ADAMTS12: variants seen among roughly 807,000 people sequenced by gnomAD.
ADAMTS12 encodes the protein A disintegrin and metalloproteinase with thrombospondin motifs 12.
Under a neutral mutation model 167.8 loss-of-function variants are expected in ADAMTS12, and 118 were observed. The ratio of observed to expected loss-of-function variants is 0.70; its 90% confidence interval spans 0.61 to 0.82. The LOEUF (loss-of-function observed/expected upper bound fraction) is 0.82. ADAMTS12 is among the 40% of genes least tolerant of loss of function. The pLI is 0.00. For synonymous variants in ADAMTS12, 704 were observed against 716.9 expected (o/e 0.98, Z 0.29); for missense variants, 1,916 against 1,998.8 (o/e 0.96, Z 0.79).
chr5:33,734,253 A>C (rs1329232707), intron 3 of ADAMTS12, among the ~76,000 whole-genome samples: 1 of 152,220 alleles, frequency 6.6e-6, no homozygotes, highest in Non-Finnish European at 1.5e-5. Context: ...TCTCAGGAGA[A>C]GTGGTCATAC....
chr5:33,851,869 T>C (rs1012474520), intron 2 of ADAMTS12, among the ~76,000 whole-genome samples: 4 of 152,230 alleles, frequency 2.6e-5, no homozygotes, highest in Non-Finnish European at 5.9e-5. Context: ...AGTATGGGCA[T>C]ACACATGCTC....
chr5:33,624,105 T>C, intron 14 of ADAMTS12, 126 bp downstream of exon 14: 1 of 1,435,640 alleles, frequency 7.0e-7, no homozygotes, highest in African/African-American at 1.4e-5. Flanking sequence ...CTATATTCCA[T>C]TTTGAATACT....
At chr5:33,883,948 T>C (rs969856018) in intron 1 of ADAMTS12, among the ~76,000 whole-genome samples, 5 of 151,912 alleles carry the variant, frequency 3.3e-5, no homozygotes, top group Admixed American at 1.3e-4. Flanking sequence ...TCAGCTTCCA[T>C]AGTATTTCCC....
chr5:33,693,731 A>G (rs909329267), intron 3 of ADAMTS12, among the ~76,000 whole-genome samples: 17 of 152,190 alleles, frequency 1.1e-4, no homozygotes, highest in Non-Finnish European at 2.2e-4. Context: ...ACCAAAAGCT[A>G]GAAGCATTCC....
chr5:33,664,670 A>G lies in ADAMTS12; in HGVS notation c.916-2630T>C, dbSNP rs1741404236. Among the ~76,000 whole-genome samples the G allele has an allele frequency of 3.9e-5, 6 of 152,310 alleles. No individual in the cohort carries two copies. In the South Asian group the frequency reaches 1.2e-3, roughly 32 times the overall value. On this transcript the variant is annotated intron_variant, in intron 5 of 23. Transcript: ENST00000504830. ...AAGATAAGATTTGGAGAGGTTGTGG[A>G]GGAAAGGAAACCATTGTACACTGTT...
chr5:33,550,625 C>A (rs972679501), intron 20 of ADAMTS12, among the ~76,000 whole-genome samples: 1 of 152,138 alleles, frequency 6.6e-6, no homozygotes, highest in Admixed American at 6.5e-5. Flanking sequence ...TTCAATGGCA[C>A]CTCTTCTGAG....
intron 5 of ADAMTS12, among the ~76,000 whole-genome samples, chr5:33,670,032 T>G (rs894504217): frequency 9.2e-5 from 14 of 152,136 alleles, no homozygotes; most frequent in Admixed American, 3.3e-4. Flanking sequence ...TAAACACTTT[T>G]GCTTTGAGAG....
At chr5:33,612,641 G>A (rs1365940688) in intron 16 of ADAMTS12, among the ~76,000 whole-genome samples, 3 of 152,160 alleles carry the variant, frequency 2.0e-5, no homozygotes, top group Non-Finnish European at 4.4e-5. Context: ...TAGTCACAAT[G>A]ACTTCATTTT....
At chr5:33,643,689 A>T (rs942977425) in intron 9 of ADAMTS12, among the ~76,000 whole-genome samples, 6 of 152,244 alleles carry the variant, frequency 3.9e-5, no homozygotes, top group Non-Finnish European at 8.8e-5. Flanking sequence ...ATACTAGGTA[A>T]TATGGAAATG....
At chr5:33,553,963 C>A (rs955592481) in intron 20 of ADAMTS12, among the ~76,000 whole-genome samples, 12 of 152,192 alleles carry the variant, frequency 7.9e-5, no homozygotes, top group Admixed American at 1.3e-4. Context: ...TCATTGAGCA[C>A]TTACTATGTT....
At chr5:33,841,744 G>A (rs1422410396) in intron 2 of ADAMTS12, among the ~76,000 whole-genome samples, 1 of 152,194 alleles carries the variant, frequency 6.6e-6, no homozygotes, top group Non-Finnish European at 1.5e-5. Flanking sequence ...CAATGGGACT[G>A]CTATGCTAGG....
intron 2 of ADAMTS12, among the ~76,000 whole-genome samples, chr5:33,772,885 G>C (rs1388439733): frequency 6.6e-6 from 1 of 152,238 alleles, no homozygotes; most frequent in Non-Finnish European, 1.5e-5. Flanking sequence ...AGTGGGCAGT[G>C]AGAAGAAACA....
chr5:33,641,984 G>A (rs569759822), intron 10 of ADAMTS12, 29 bp from the exon 11 acceptor site: 52 of 1,582,160 alleles, frequency 3.3e-5, no homozygotes, highest in Admixed American at 1.9e-4. Context: ...GGAGATGGCC[G>A]TATCAGGAAG....
intron 2 of ADAMTS12, among the ~76,000 whole-genome samples, chr5:33,812,852 C>A (rs1233673029): frequency 6.6e-6 from 1 of 152,066 alleles, no homozygotes; most frequent in Non-Finnish European, 1.5e-5. Flanking sequence ...ATACTTTTGT[C>A]GCACATATAT....
At chr5:33,689,731 C>A (rs774541350) in intron 3 of ADAMTS12, among the ~76,000 whole-genome samples, 3 of 152,208 alleles carry the variant, frequency 2.0e-5, no homozygotes, top group Non-Finnish European at 4.4e-5. Flanking sequence ...GCTCCCCATG[C>A]CTACTGGCCT....
At chr5:33,770,838 CCCTCCT>C (rs145791559) in intron 2 of ADAMTS12, among the ~76,000 whole-genome samples, 1 of 150,786 alleles carries the variant, frequency 6.6e-6, no homozygotes, top group Non-Finnish European at 1.5e-5. Flanking sequence ...CTTCCTCTTC[CCCTCCT>C]CCTCCTCTTC....
intron 2 of ADAMTS12, among the ~76,000 whole-genome samples, chr5:33,854,157 TA>T (rs1749319602): frequency 6.6e-6 from 1 of 152,214 alleles, no homozygotes; most frequent in African/African-American, 2.4e-5. Context: ...TTACAGGACA[TA>T]AAAACCAGGC....
chr5:33,708,161 GA>G (rs1743265027), intron 3 of ADAMTS12, among the ~76,000 whole-genome samples: 1 of 152,104 alleles, frequency 6.6e-6, no homozygotes, highest in Admixed American at 6.5e-5. Context: ...CTTCTCAAAG[GA>G]AGACATTTAT....
intron 13 of ADAMTS12, among the ~76,000 whole-genome samples, chr5:33,625,369 G>A (rs746382855): frequency 1.3e-5 from 2 of 151,950 alleles, no homozygotes; most frequent in Non-Finnish European, 2.9e-5. Flanking sequence ...GTGGGAAACA[G>A]GTGCCTTTAG....
Sources: allele counts gnomAD v4.1 joint callset (sites outside exome capture counted in the v4.1 genomes callset), GRCh38; gene constraint gnomAD v4.1.1; transcripts MANE v1.5; gene names NCBI Gene and HGNC (gene_info 2026-07-23, HGNC 2026-07-21).